SYNE2: variants seen among roughly 807,000 people sequenced by gnomAD.
SYNE2 encodes nesprin-2.
SYNE2 carries 431 observed loss-of-function variants against 856.3 expected under a neutral mutation model. The ratio of observed to expected loss-of-function variants is 0.50; its 90% CI spans 0.47 to 0.55. The LOEUF (loss-of-function observed/expected upper bound fraction) is 0.55, where lower values mean the gene tolerates loss of function less well. Among genes scored for constraint, SYNE2 ranks in the 20% least tolerant of loss-of-function variants. The pLI is 0.00. For synonymous variants in SYNE2, 2,923 were observed against 2,872.3 expected, an observed-to-expected ratio of 1.02 and a Z score of -0.56; for missense variants, 8,129 against 8,023.2, an observed-to-expected ratio of 1.01 and a Z score of -0.50.
rs2098404474 is a variant in SYNE2, at chr14:64,170,279, T to C, written c.17052T>C (p.Ala5684=). ...FSKLTDRWQN[A]VQGVRQRKGD... ...AGCTGACGGATCGGTGGCAGAATGC[T>C]GTCCAGGGTGTTCGGCAGAGGAAGG... The change falls in exon 94 of 116, where the codon GCT becomes GCC. Residue 5684 remains alanine (A), a synonymous_variant. Transcript: ENST00000555002. 6.2e-6 allele frequency: 10 copies of C among 1,614,148 alleles called. No individual in the cohort carries two copies. The highest frequency in any genetic ancestry group is 7.6e-6 in the Non-Finnish European group (9 of 1,180,040).
intron 59 of SYNE2, among the ~76,000 whole-genome samples, chr14:64,090,573 A>G (rs1005576947): frequency 3.3e-5 from 5 of 152,182 alleles, no homozygotes; most frequent in African/African-American, 7.2e-5. Flanking sequence ...CCTAGTGACA[A>G]TATACACAGC....
At position 63,949,954 on chromosome 14, in the gene SYNE2, C is replaced by T. The variant is rs774202962; in HGVS notation, c.538C>T (p.Gln180Ter). ...KKCSKVQARW[Q>*]MSARKALLLW... is the part of the protein sequence containing the mutation. Reference sequence around the variant, plus strand: ...ATGCTCTAAAGTGCAAGCAAGATGGCAAATGTCTGCAAGAAAGGCCCTTCT... The same window carrying T: ...ATGCTCTAAAGTGCAAGCAAGATGGTAAATGTCTGCAAGAAAGGCCCTTCT... Residue 180 changes from glutamine to a stop codon, truncating the protein, a stop_gained, in exon 7 of 116, where the codon CAA (glutamine) becomes TAA (stop). Coordinates refer to ENST00000555002, the MANE Select transcript of SYNE2 (RefSeq NM_182914.3). LOFTEE classifies it high-confidence loss of function. The T allele has an allele frequency of 6.2e-7, 1 of 1,614,102 alleles. No homozygotes were observed. The highest frequency in any genetic ancestry group is 2.2e-5 in the East Asian group (1 of 44,880).
chr14:64,198,108 G>A (rs926979171), intron 99 of SYNE2, among the ~76,000 whole-genome samples: 1 of 152,176 alleles, frequency 6.6e-6, no homozygotes, highest in Non-Finnish European at 1.5e-5. Flanking sequence ...AAATCATGCT[G>A]CTTTTTCCTG....
intron 27 of SYNE2, among the ~76,000 whole-genome samples, chr14:63,999,979 G>A (rs2096741587): frequency 6.6e-6 from 1 of 152,092 alleles, no homozygotes; most frequent in Non-Finnish European, 1.5e-5. Context: ...ATAATGAGTT[G>A]GTTAGAAAAA....
At chr14:63,996,371 T>C (rs1162412814) in intron 23 of SYNE2, among the ~76,000 whole-genome samples, 3 of 152,182 alleles carry the variant, frequency 2.0e-5, no homozygotes, top group Non-Finnish European at 4.4e-5. Flanking sequence ...AGTTGTCCTT[T>C]TGAGCCACAA....
chr14:63,859,958 T>TCCCG (rs1893066853), intron 1 of SYNE2, among the ~76,000 whole-genome samples: 1 of 65,302 alleles, frequency 1.5e-5, no homozygotes, highest in Admixed American at 1.8e-4. Context: ...CCTCCCTCCC[T>TCCCG]CCCTCCCTCC....
chr14:64,110,599 C>A, intron 65 of SYNE2, among the ~76,000 whole-genome samples: 1 of 142,504 alleles, frequency 7.0e-6, no homozygotes, highest in Non-Finnish European at 1.5e-5. Context: ...CCCCCCCCCC[C>A]CCGCCAAAGT....
At chr14:63,781,186 G>A (rs780264667) in intron 1 of SYNE2, among the ~76,000 whole-genome samples, 5 of 151,732 alleles carry the variant, frequency 3.3e-5, no homozygotes, top group Non-Finnish European at 5.9e-5. Flanking sequence ...GTGGAGGCAG[G>A]AGAATCGCTT....
chr14:63,872,586 T>C (rs906917580), intron 1 of SYNE2, among the ~76,000 whole-genome samples: 3 of 151,742 alleles, frequency 2.0e-5, no homozygotes, highest in African/African-American at 7.3e-5. Context: ...TGAAATCCCA[T>C]CTCTACTAAA....
Position 64,025,004 on chromosome 14 carries a change from T to C in SYNE2, c.5933T>C (p.Leu1978Pro), listed in dbSNP as rs746460737. 1.2e-6 allele frequency: 2 copies of C among 1,614,078 alleles called. No homozygotes were observed. Among genetic ancestry groups the C allele is most frequent in the African/African-American group, 1.3e-5 (1 of 75,054 alleles). Reference sequence around the variant, plus strand: ...GAAGAACCAGGGGAGAAAACTGAGCTGTTCTGCCAAGCTTTAGCTAGAAAG... The same window carrying C: ...GAAGAACCAGGGGAGAAAACTGAGCCGTTCTGCCAAGCTTTAGCTAGAAAG... ...GMEEPGEKTE[L>P]FCQALARKRE... The change falls in exon 40 of 116, where the codon CTG (leucine) becomes CCG (proline). Residue 1978 changes from leucine to proline, a missense_variant. Transcript: ENST00000555002.
intron 23 of SYNE2, 33 bp downstream of exon 23, chr14:63,995,235 A>G (rs775240762): frequency 4.4e-6 from 7 of 1,583,932 alleles, no homozygotes; most frequent in Admixed American, 1.7e-5. Context: ...AAATTTTGTC[A>G]TCATTTTGGG....
chr14:63,793,536 C>T (rs906111910), intron 1 of SYNE2, among the ~76,000 whole-genome samples: 2 of 101,994 alleles, frequency 2.0e-5, no homozygotes, highest in South Asian at 4.4e-4. Flanking sequence ...ACATGCTAAA[C>T]GTGAAATGTC....
chr14:64,016,391 C>A, intron 32 of SYNE2, 82 bp from the exon 33 acceptor site: 1 of 925,068 alleles, frequency 1.1e-6, no homozygotes, highest in Non-Finnish European at 1.6e-6. Flanking sequence ...TTTTTAAGCT[C>A]AATATCCAAC....
At chr14:63,955,858 G>A (rs1020072039) in intron 8 of SYNE2, among the ~76,000 whole-genome samples, 1 of 152,172 alleles carries the variant, frequency 6.6e-6, no homozygotes, top group African/African-American at 2.4e-5. Context: ...ACTTAGGGTT[G>A]TATTTGCTGA....
chr14:64,094,567 A>G (rs2097660554), intron 61 of SYNE2, among the ~76,000 whole-genome samples: 1 of 152,176 alleles, frequency 6.6e-6, no homozygotes, highest in African/African-American at 2.4e-5. Flanking sequence ...TATGGTACTC[A>G]AAAGAAGATT....
chr14:64,121,807 C>A (rs990667538), intron 68 of SYNE2, among the ~76,000 whole-genome samples: 1 of 152,060 alleles, frequency 6.6e-6, no homozygotes, highest in Non-Finnish European at 1.5e-5. Flanking sequence ...TCCATGTATG[C>A]GGTTTAAATA....
chr14:64,200,350 C>G lies in SYNE2; in HGVS notation c.18039-2451C>G, dbSNP rs182451330. Among the ~76,000 whole-genome samples, 427 of 152,278 alleles carry G rather than the reference C, an allele frequency of 2.8e-3. 1 individual carries two copies. The highest frequency in any genetic ancestry group is 4.9e-3 in the Non-Finnish European group (331 of 68,008). ...AGGTCACGAGCCTGAGCCCTTCCCC[C>G]ACCCCCGGGAAGCTCTCGTGGCTGG... On this transcript the variant is annotated intron_variant, in intron 99 of 115. Transcript: ENST00000555002.
Position 63,986,445 on chromosome 14 carries a change from G to A in SYNE2, c.2152-11G>A, listed in dbSNP as rs758991912. On this transcript the variant is annotated splice_polypyrimidine_tract_variant and intron_variant, in intron 18 of 115. Transcript: ENST00000555002. ...CTGACATTTTCTCAGTGGTACTTTT[G>A]AATGTTGTAGGCTGGAGAGAAACAT... The A allele has an allele frequency of 8.1e-6, 13 of 1,613,810 alleles. No individual in the cohort carries two copies. The highest frequency in any genetic ancestry group is 1.7e-5 in the Admixed American group (1 of 60,014).
chr14:64,185,523 T>TTC (rs2098484877), intron 96 of SYNE2, among the ~76,000 whole-genome samples: 1 of 138,906 alleles, frequency 7.2e-6, no homozygotes, highest in Non-Finnish European at 1.5e-5. Flanking sequence ...CTTTTTCTTT[T>TTC]TTTTTTTTTT....
Sources: allele counts gnomAD v4.1 joint callset (sites outside exome capture counted in the v4.1 genomes callset), GRCh38; gene constraint gnomAD v4.1.1; transcripts MANE v1.5; gene names NCBI Gene and HGNC (gene_info 2026-07-23, HGNC 2026-07-21).